Variants in AIG1 observed in about 807,000 individuals in gnomAD.
The protein encoded by AIG1 is androgen-induced gene 1 protein.
In AIG1, 23 loss-of-function variants were observed where a neutral mutation model predicts 31.4. The observed-to-expected ratio is 0.73, with a 90% CI of 0.53 to 1.04. The LOEUF (loss-of-function observed/expected upper bound fraction) is 1.04. AIG1 is among the 50% of genes least tolerant of loss of function. The pLI is 0.00. For synonymous variants in AIG1, 100 were observed against 110.5 expected (o/e 0.90, Z 0.60); for missense variants, 274 against 295.0 (o/e 0.93, Z 0.52).
chr6:143,163,993 C>G (rs1228330159), intron 2 of AIG1, among the ~76,000 whole-genome samples: 1 of 152,146 alleles, frequency 6.6e-6, no homozygotes, highest in African/African-American at 2.4e-5. Context: ...CTCTACCTGC[C>G]ACCTACAACC....
intron 3 of AIG1, among the ~76,000 whole-genome samples, chr6:143,200,663 T>C (rs1028683841): frequency 6.6e-6 from 1 of 152,206 alleles, no homozygotes; most frequent in Non-Finnish European, 1.5e-5. Flanking sequence ...TTCCCTTGAC[T>C]CTCTGAGTAA....
At chr6:143,162,045 T>C (rs760662037) in intron 2 of AIG1, among the ~76,000 whole-genome samples, 32 of 152,202 alleles carry the variant, frequency 2.1e-4, no homozygotes, top group Non-Finnish European at 4.3e-4. Context: ...AAACTATTTC[T>C]AAAATAGCTA....
chr6:143,278,469 T>C (rs563016097), intron 3 of AIG1, among the ~76,000 whole-genome samples: 24 of 151,018 alleles, frequency 1.6e-4, no homozygotes, highest in Non-Finnish European at 2.8e-4. Context: ...CTTTTCTTTT[T>C]TTTTTTTTTT....
intron 1 of AIG1, among the ~76,000 whole-genome samples, chr6:143,098,788 T>C (rs1458359719): frequency 6.6e-6 from 1 of 152,222 alleles, no homozygotes; most frequent in East Asian, 1.9e-4. Flanking sequence ...GTTGTTCTTA[T>C]GGATTAATTG....
At chr6:143,201,502 T>G (rs1790693674) in intron 3 of AIG1, among the ~76,000 whole-genome samples, 1 of 152,224 alleles carries the variant, frequency 6.6e-6, no homozygotes, top group East Asian at 1.9e-4. Context: ...AAGGATATTG[T>G]GGGCTACTTA....
rs938911381 is a variant in AIG1 at position 143,328,295 on chromosome 6, A to G, written c.516-4987A>G. ...CACTTATTGGAGAAGTTTGCTTTTG[A>G]AGAGGAGAGACTTGAGTAGTACTTG... On this transcript the variant is annotated intron_variant, in intron 4 of 5. Coordinates refer to ENST00000357847, the MANE Select transcript of AIG1 (RefSeq NM_016108.4). This position sits in a 1 kb window ranked among gnomAD's most constrained non-coding sequence, Gnocchi z 4.0. 1.3e-5 allele frequency among the ~76,000 whole-genome samples: 2 copies of G among 152,162 alleles called. No individual in the cohort carries two copies. Among genetic ancestry groups the G allele is most frequent in the African/African-American group, 4.8e-5 (2 of 41,466 alleles).
chr6:143,278,848 T>C (rs1023165896), intron 3 of AIG1, among the ~76,000 whole-genome samples: 1 of 152,218 alleles, frequency 6.6e-6, no homozygotes. Context: ...CTCAAAATAA[T>C]CTAATAAGAT....
rs1777359272 is a variant in AIG1, at chr6:143,334,958, A to C, written c.679+1513A>C. ...TTGAATGAGGAGTTAAAAATGAATA[A>C]TGAAATTAAGGTTTTTTGAATGATT... On this transcript the variant is annotated intron_variant, in intron 5 of 5. Coordinates refer to ENST00000357847, the MANE Select transcript of AIG1 (RefSeq NM_016108.4). The surrounding 1 kb of genome is among the most constrained non-coding windows in gnomAD (Gnocchi z 5.1). 1 of 705,918 alleles carries C rather than the reference A, an allele frequency of 1.4e-6. No homozygotes were observed. 43.7% of individuals were successfully genotyped at this position (705,918 alleles called of 1,614,324 possible).
chr6:143,089,216 G>GAAA (rs67109487), intron 1 of AIG1, among the ~76,000 whole-genome samples: 14 of 134,674 alleles, frequency 1.0e-4, no homozygotes, highest in African/African-American at 3.6e-4. Context: ...CTCAAAAAAA[G>GAAA]AAAAAAAAAA....
chr6:143,174,577 A>C (rs1353402761), intron 3 of AIG1, among the ~76,000 whole-genome samples: 1 of 151,650 alleles, frequency 6.6e-6, no homozygotes, highest in Non-Finnish European at 1.5e-5. Context: ...CTTTACCTTA[A>C]GTTTATGTGA....
intron 4 of AIG1, among the ~76,000 whole-genome samples, chr6:143,323,585 A>G (rs545453517): frequency 6.6e-6 from 1 of 152,124 alleles, no homozygotes; most frequent in Non-Finnish European, 1.5e-5. Context: ...TTGATGCATT[A>G]ATTTTTTGGC....
intron 1 of AIG1, among the ~76,000 whole-genome samples, chr6:143,091,679 G>A (rs1475208610): frequency 1.3e-5 from 2 of 152,174 alleles, no homozygotes; most frequent in Non-Finnish European, 2.9e-5. Flanking sequence ...AATAGCCATA[G>A]CTATAGAAAT....
In AIG1 at chr6:143,286,599, G is replaced by A. The variant is rs1017608115; in HGVS notation, c.515+2374G>A. On this transcript the variant is annotated intron_variant, in intron 4 of 5. Coordinates refer to ENST00000357847, the MANE Select transcript of AIG1 (RefSeq NM_016108.4). The stretch of plus-strand genomic sequence containing the variant: ...AGACTATGTTAGGGCCGACATACCC[G>A]TGACACAACAGCCAAAGGTTCGGGA... 5.3e-5 allele frequency among the ~76,000 whole-genome samples: 8 copies of A among 152,044 alleles called. No homozygotes were observed. The South Asian group carries it at 6.2e-4, about 12-fold the overall frequency.
In AIG1 at chr6:143,280,173, G is replaced by A. The variant is rs537922666; in HGVS notation, c.400-3937G>A. Among the ~76,000 whole-genome samples the A allele has an allele frequency of 2.0e-5, 3 of 152,318 alleles. No individual in the cohort carries two copies. The East Asian group carries it at 5.8e-4, about 29-fold the overall frequency. Reference sequence around the variant, plus strand: ...CAGATCATTCTTCAGCTCGCTTCCAGCCATCTGTAACTGTCATCATACCAC... The same window carrying A: ...CAGATCATTCTTCAGCTCGCTTCCAACCATCTGTAACTGTCATCATACCAC... On this transcript the variant is annotated intron_variant, in intron 3 of 5. Transcript: ENST00000357847. This position sits in a 1 kb window ranked among gnomAD's most constrained non-coding sequence, Gnocchi z 4.1.
intron 3 of AIG1, among the ~76,000 whole-genome samples, chr6:143,265,435 T>G (rs1188734627): frequency 6.6e-6 from 1 of 152,236 alleles, no homozygotes; most frequent in African/African-American, 2.4e-5. Flanking sequence ...TGGCTGCTGC[T>G]GCTATCTCAG....
intron 3 of AIG1, among the ~76,000 whole-genome samples, chr6:143,167,528 A>G (rs1787080092): frequency 6.6e-6 from 1 of 152,210 alleles, no homozygotes; most frequent in African/African-American, 2.4e-5. Flanking sequence ...GCACAATATT[A>G]CCTTCATGCC....
At chr6:143,140,328 CA>C (rs1323857660) in intron 2 of AIG1, among the ~76,000 whole-genome samples, 2 of 152,150 alleles carry the variant, frequency 1.3e-5, no homozygotes, top group Non-Finnish European at 2.9e-5. Flanking sequence ...TATTTTAACA[CA>C]AAATTTTTTT....
chr6:143,313,837 A>G (rs1188075204), intron 4 of AIG1, among the ~76,000 whole-genome samples: 1 of 152,052 alleles, frequency 6.6e-6, no homozygotes, highest in Non-Finnish European at 1.5e-5. Context: ...TGAACCCACA[A>G]CAATCAAAAC....
intron 1 of AIG1, among the ~76,000 whole-genome samples, chr6:143,133,476 C>T (rs938368127): frequency 6.6e-6 from 1 of 152,114 alleles, no homozygotes; most frequent in African/African-American, 2.4e-5. Flanking sequence ...AAGACATTCA[C>T]CTTTGTGTAT....
Sources: gnomAD v4.1 joint callset for allele counts (sites outside exome capture counted in the v4.1 genomes callset) on GRCh38, gnomAD v4.1.1 for gene constraint, Gnocchi (gnomAD v3.1) non-coding constraint, MANE v1.5 for transcripts, NCBI Gene and HGNC (gene_info 2026-07-23, HGNC 2026-07-21) for gene names.